HRH2: variants seen among roughly 807,000 people sequenced by gnomAD.
The protein encoded by HRH2 is histamine receptor H2.
In HRH2, 4 loss-of-function variants were observed where a neutral mutation model predicts 20.1. The observed-to-expected ratio is 0.20, with a 90% confidence interval of 0.10 to 0.45. The LOEUF is 0.45. Ranked by LOEUF, HRH2 falls within the 20% of genes least tolerant of loss-of-function variation. HRH2 has a pLI of 0.99. For synonymous variants in HRH2, 197 were observed against 200.7 expected (o/e 0.98, Z 0.16); for missense variants, 250 against 461.6 (o/e 0.54, Z 4.20).
At chr5:175,696,902 G>A (rs1044428577) in intron 2 of HRH2, among the ~76,000 whole-genome samples, 1 of 152,238 alleles carries the variant, frequency 6.6e-6, no homozygotes, top group East Asian at 1.9e-4. Flanking sequence ...AGTGCAGCAG[G>A]AGCTCAGCGG....
At chr5:175,666,141 A>T (rs1327684898) in intron 1 of HRH2, among the ~76,000 whole-genome samples, 1 of 152,090 alleles carries the variant, frequency 6.6e-6, no homozygotes, top group Non-Finnish European at 1.5e-5. Context: ...CTGAGCCCTG[A>T]GGCCCTGGGA....
chr5:175,683,351 T>A lies in HRH2; in HGVS notation c.118T>A (p.Cys40Ser). ...LITVAGNVVVCLAVGLNRRLR... is the reference protein window; with the variant it reads ...LITVAGNVVVSLAVGLNRRLR... ...CACCGTTGCTGGCAATGTGGTCGTC[T>A]GTCTGGCCGTGGGCTTGAACCGCCG... The change falls in exon 2 of 3, where the codon TGT becomes AGT. Residue 40 changes from cysteine (C) to serine (S), a missense_variant. Cys to Ser is a moderately radical substitution (Grantham distance 112). Coordinates refer to ENST00000636584, the MANE Select transcript of HRH2 (RefSeq NM_001367711.1). 6.2e-7 allele frequency: 1 copy of A among 1,614,230 alleles called. No individual in the cohort carries two copies. The highest frequency in any genetic ancestry group is 8.5e-7 in the Non-Finnish European group (1 of 1,180,038).
Position 175,681,451 on chromosome 5 carries a change from A to C in HRH2, c.-525-1258A>C, listed in dbSNP as rs1755969625. 6.6e-6 allele frequency among the ~76,000 whole-genome samples: 1 copy of C among 152,132 alleles called. No individual in the cohort carries two copies. Among genetic ancestry groups the C allele is most frequent in the African/African-American group, 2.4e-5 (1 of 41,418 alleles). ...CGCCATCAACTCGATTTCTGCACACACTCAGAGCTCAGGAGATTGCCTGCT... is the reference window on the plus strand; with the variant it reads ...CGCCATCAACTCGATTTCTGCACACCCTCAGAGCTCAGGAGATTGCCTGCT... On this transcript the variant is annotated intron_variant, in intron 1 of 2. Coordinates refer to ENST00000636584, the MANE Select transcript of HRH2 (RefSeq NM_001367711.1). This position sits in a 1 kb window ranked among gnomAD's most constrained non-coding sequence, Gnocchi z 4.3.
At chr5:175,669,829 C>T (rs907069411) in intron 1 of HRH2, among the ~76,000 whole-genome samples, 14 of 152,230 alleles carry the variant, frequency 9.2e-5, no homozygotes, top group African/African-American at 3.4e-4. Flanking sequence ...ATTATGTTCA[C>T]ATCAGGATCC....
intron 2 of HRH2, among the ~76,000 whole-genome samples, chr5:175,695,307 C>G (rs1211610754): frequency 1.3e-5 from 2 of 152,096 alleles, no homozygotes; most frequent in Non-Finnish European, 2.9e-5. Flanking sequence ...GGTTTCTTCA[C>G]TTGTCAAAGG....
At chr5:175,696,333 C>A (rs930426771) in intron 2 of HRH2, among the ~76,000 whole-genome samples, 25 of 152,324 alleles carry the variant, frequency 1.6e-4, no homozygotes, top group African/African-American at 5.5e-4. Context: ...GATTCTGGAG[C>A]AGTGTGGGCC....
intron 1 of HRH2, among the ~76,000 whole-genome samples, chr5:175,663,940 G>T (rs1167329964): frequency 6.6e-6 from 1 of 152,166 alleles, no homozygotes; most frequent in Admixed American, 6.5e-5. Flanking sequence ...GATTGCAAAG[G>T]GCCTTTCCAG....
rs1756470790 is a variant in HRH2, at chr5:175,693,941, GGC to G, written c.1076+9633_1076+9634del. On this transcript the variant is annotated intron_variant, in intron 2 of 2. Transcript: ENST00000636584. The surrounding 1 kb of genome is among the most constrained non-coding windows in gnomAD (Gnocchi z 4.4). ...CAAGCTGGGAAGCTATTTGTGACAT[GGC>G]AGTGGTCTGTTGCCAGAGCTCTGAA... Among the ~76,000 whole-genome samples the G allele has an allele frequency of 1.3e-5, 2 of 152,214 alleles. No homozygotes were observed. The highest frequency in any genetic ancestry group is 2.9e-5 in the Non-Finnish European group (2 of 68,034).
intron 2 of HRH2, among the ~76,000 whole-genome samples, chr5:175,695,151 C>G (rs1756528966): frequency 2.6e-5 from 4 of 152,102 alleles, no homozygotes; most frequent in Admixed American, 2.6e-4. Context: ...GCATCTCATG[C>G]TGCCCAGCAC....
At chr5:175,696,937 T>C (rs1158447194) in intron 2 of HRH2, among the ~76,000 whole-genome samples, 1 of 152,196 alleles carries the variant, frequency 6.6e-6, no homozygotes, top group Non-Finnish European at 1.5e-5. Context: ...TGGTAGCTCT[T>C]AGGGCTCAGC....
chr5:175,662,067 G>A (rs1431154997), intron 1 of HRH2, among the ~76,000 whole-genome samples: 1 of 152,100 alleles, frequency 6.6e-6, no homozygotes, highest in Non-Finnish European at 1.5e-5. Context: ...GCTACAGGGA[G>A]CTTACAGACA....
intron 1 of HRH2, among the ~76,000 whole-genome samples, chr5:175,672,677 G>A (rs1289731150): frequency 6.6e-6 from 1 of 152,240 alleles, no homozygotes; most frequent in African/African-American, 2.4e-5. Context: ...CTGTTGGGGA[G>A]CAAGGTGGAG....
chr5:175,707,563 A>C (rs1756981118), intron 2 of HRH2, among the ~76,000 whole-genome samples: 1 of 152,248 alleles, frequency 6.6e-6, no homozygotes, highest in Non-Finnish European at 1.5e-5. Flanking sequence ...TTTCAAAGCA[A>C]GTCTCCTGAA....
At chr5:175,659,146 G>A (rs1056960708) in intron 1 of HRH2, among the ~76,000 whole-genome samples, 2 of 152,134 alleles carry the variant, frequency 1.3e-5, no homozygotes, top group African/African-American at 4.8e-5. Flanking sequence ...GAATGTGGGG[G>A]GCCCAGAAGC....
chr5:175,684,331 G>A (rs753558128), intron 2 of HRH2, 22 bp downstream of exon 2: 4 of 1,607,482 alleles, frequency 2.5e-6, no homozygotes, highest in Non-Finnish European at 3.4e-6. Context: ...AGCCATTGGT[G>A]CACAGGATGG....
chr5:175,710,090 G>A lies in HRH2; in HGVS notation c.*2119G>A, dbSNP rs1757049320. The stretch of plus-strand genomic sequence containing the variant: ...TTCCTTGACCCTCCACACCAAACCA[G>A]GCCCCCTGCCACACCCCTCAGAGCT... On this transcript the variant is annotated 3_prime_UTR_variant, in exon 3 of 3. Coordinates refer to ENST00000636584, the MANE Select transcript of HRH2 (RefSeq NM_001367711.1). 1 of 152,298 alleles carries A rather than the reference G, an allele frequency of 6.6e-6. No homozygotes were observed. The highest frequency in any genetic ancestry group is 2.4e-5 in the African/African-American group (1 of 41,428). The allele number at this position is 152,298 out of a possible 1,614,324, so 9.4% of individuals were successfully genotyped here.
In HRH2 at chr5:175,658,752, C is replaced by A. The variant is rs932996833; in HGVS notation, c.-526+597C>A. 3.3e-5 allele frequency among the ~76,000 whole-genome samples: 5 copies of A among 152,256 alleles called. No homozygotes were observed. The East Asian group carries it at 7.7e-4, about 24-fold the overall frequency. On this transcript the variant is annotated intron_variant, in intron 1 of 2. Coordinates refer to ENST00000636584, the MANE Select transcript of HRH2 (RefSeq NM_001367711.1). Reference sequence around the variant, plus strand: ...CGGAGCCACAACAGGCAGCGCTCAGCGGGTGGGAGTCCTTGCTGGGGACAT... The same window carrying A: ...CGGAGCCACAACAGGCAGCGCTCAGAGGGTGGGAGTCCTTGCTGGGGACAT...
In HRH2 at chr5:175,705,658, A is replaced by G. The variant is rs528521488; in HGVS notation, c.1077-2121A>G. Among the ~76,000 whole-genome samples, 7 of 151,478 alleles carry G rather than the reference A, an allele frequency of 4.6e-5. No homozygotes were observed. In the South Asian group the frequency reaches 1.5e-3, roughly 32 times the overall value. On this transcript the variant is annotated intron_variant, in intron 2 of 2. Transcript: ENST00000636584. ...ACCTACCCCTACAGGTAGTGTGCCC[A>G]GAGTAGACTTTTTTTTTTTTTTGAG...
At chr5:175,678,904 A>G (rs1443107533) in intron 1 of HRH2, among the ~76,000 whole-genome samples, 2 of 152,196 alleles carry the variant, frequency 1.3e-5, no homozygotes, top group Non-Finnish European at 2.9e-5. Flanking sequence ...ATTGGACTTG[A>G]TTTCATAAAC....
Sources: gnomAD v4.1 joint callset for allele counts (sites outside exome capture counted in the v4.1 genomes callset) on GRCh38, gnomAD v4.1.1 for gene constraint, Gnocchi (gnomAD v3.1) non-coding constraint, MANE v1.5 for transcripts, NCBI Gene and HGNC (gene_info 2026-07-23, HGNC 2026-07-21) for gene names.